Variants in INPP4B observed in about 807,000 individuals in gnomAD.
INPP4B encodes the protein inositol polyphosphate 4-phosphatase type II.
INPP4B carries 55 observed loss-of-function variants against 122.5 expected under a neutral mutation model. That is an observed-to-expected ratio of 0.45 (90% confidence interval 0.36 to 0.56). The LOEUF is 0.56. INPP4B is among the 20% of genes least tolerant of loss of function. INPP4B has a pLI of 0.00. For missense variants in INPP4B, 1,000 were observed against 1,097.7 expected, an observed-to-expected ratio of 0.91 and a Z score of 1.26; for synonymous variants, 403 against 388.7, an observed-to-expected ratio of 1.04 and a Z score of -0.43.
At chr4:142,405,183 A>G (rs769931245) in intron 6 of INPP4B, 23 bp downstream of exon 6, 51 of 1,144,146 alleles carry the variant, frequency 4.5e-5, no homozygotes, top group Non-Finnish European at 5.8e-5. Flanking sequence ...GAGAGAGATT[A>G]ATGTAGGCAC....
At chr4:142,763,654 A>C (rs991314548) in intron 1 of INPP4B, among the ~76,000 whole-genome samples, 1 of 152,138 alleles carries the variant, frequency 6.6e-6, no homozygotes, top group African/African-American at 2.4e-5. Context: ...AGAACAAATA[A>C]ATAATATCAT....
intron 25 of INPP4B, among the ~76,000 whole-genome samples, chr4:142,070,647 T>C (rs1023939965): frequency 1.3e-5 from 2 of 152,160 alleles, no homozygotes; most frequent in African/African-American, 4.8e-5. Flanking sequence ...AGTCTCAAGA[T>C]ACAAAATCAA....
intron 1 of INPP4B, among the ~76,000 whole-genome samples, chr4:142,792,087 T>TA (rs1190802585): frequency 6.6e-6 from 1 of 152,006 alleles, no homozygotes; most frequent in Non-Finnish European, 1.5e-5. Context: ...TATTTTCTTT[T>TA]AAAAAAATAA....
intron 2 of INPP4B, among the ~76,000 whole-genome samples, chr4:142,541,449 G>T (rs1828930000): frequency 6.6e-6 from 1 of 152,116 alleles, no homozygotes; most frequent in Non-Finnish European, 1.5e-5. Flanking sequence ...AAAGACAGGG[G>T]TTGGCCCCAA....
intron 12 of INPP4B, among the ~76,000 whole-genome samples, chr4:142,219,546 G>T (rs899443797): frequency 2.0e-5 from 3 of 152,142 alleles, no homozygotes; most frequent in Non-Finnish European, 4.4e-5. Context: ...TTGTGCAAAG[G>T]TTTCTCACAA....
At chr4:142,680,059 T>C (rs1197120772) in intron 2 of INPP4B, among the ~76,000 whole-genome samples, 1 of 151,862 alleles carries the variant, frequency 6.6e-6, no homozygotes, top group African/African-American at 2.4e-5. Context: ...TAGCTAGCCA[T>C]ACCCTTCATC....
intron 2 of INPP4B, among the ~76,000 whole-genome samples, chr4:142,493,225 T>C (rs1003449372): frequency 1.3e-5 from 2 of 152,024 alleles, no homozygotes; most frequent in Admixed American, 1.3e-4. Flanking sequence ...GCTGCAGGGG[T>C]GGAACCCTCA....
chr4:142,308,455 ACAAC>A (rs1470637476), intron 8 of INPP4B, among the ~76,000 whole-genome samples: 1 of 152,186 alleles, frequency 6.6e-6, no homozygotes, highest in African/African-American at 2.4e-5. Flanking sequence ...TTATGCTGCA[ACAAC>A]AAACAATGGG....
At chr4:142,563,550 A>G (rs1194461942) in intron 2 of INPP4B, among the ~76,000 whole-genome samples, 2 of 152,164 alleles carry the variant, frequency 1.3e-5, no homozygotes, top group East Asian at 3.9e-4. Context: ...GTAAATTACA[A>G]TCATCAATTC....
intron 2 of INPP4B, among the ~76,000 whole-genome samples, chr4:142,589,223 T>A (rs189552884): frequency 7.2e-4 from 110 of 152,210 alleles, no homozygotes; most frequent in South Asian, 7.0e-3. Flanking sequence ...CTATACTCGA[T>A]GTCCTTTTAT....
At chr4:142,739,706 C>A (rs1037344497) in intron 1 of INPP4B, among the ~76,000 whole-genome samples, 2 of 151,814 alleles carry the variant, frequency 1.3e-5, no homozygotes, top group African/African-American at 4.8e-5. Flanking sequence ...AGCATCAATG[C>A]AGGAGGCTCC....
chr4:142,670,569 A>C (rs1756851925), intron 2 of INPP4B, among the ~76,000 whole-genome samples: 1 of 152,140 alleles, frequency 6.6e-6, no homozygotes, highest in Non-Finnish European at 1.5e-5. Context: ...ATACTACATA[A>C]ATTTCAGTCA....
chr4:142,214,986 T>G (rs994262265), intron 12 of INPP4B, among the ~76,000 whole-genome samples: 1 of 152,256 alleles, frequency 6.6e-6, no homozygotes, highest in Non-Finnish European at 1.5e-5. Flanking sequence ...CAACCAGATA[T>G]GCCAGTTTAC....
intron 2 of INPP4B, among the ~76,000 whole-genome samples, chr4:142,576,149 A>G (rs1355691865): frequency 6.6e-6 from 1 of 152,006 alleles, no homozygotes; most frequent in Non-Finnish European, 1.5e-5. Context: ...TGAGCTTCTA[A>G]TATGCACCAA....
At chr4:142,502,490 T>G (rs191172491) in intron 2 of INPP4B, among the ~76,000 whole-genome samples, 1 of 152,226 alleles carries the variant, frequency 6.6e-6, no homozygotes, top group Non-Finnish European at 1.5e-5. Flanking sequence ...CTGCCTTTAT[T>G]ATTTATTTAT....
chr4:142,253,839 C>T (rs552757624), intron 11 of INPP4B, among the ~76,000 whole-genome samples: 3 of 152,170 alleles, frequency 2.0e-5, no homozygotes, highest in Non-Finnish European at 2.9e-5. Flanking sequence ...AGCTCGAACT[C>T]GGTGGAGCCC....
intron 1 of INPP4B, among the ~76,000 whole-genome samples, chr4:142,773,151 G>T (rs1308483009): frequency 6.6e-6 from 1 of 152,104 alleles, no homozygotes; most frequent in Non-Finnish European, 1.5e-5. Flanking sequence ...CTTAGAAACT[G>T]ATGCTGGAAA....
intron 3 of INPP4B, among the ~76,000 whole-genome samples, chr4:142,438,341 T>A: frequency 6.6e-6 from 1 of 152,288 alleles, no homozygotes; most frequent in East Asian, 1.9e-4. Context: ...ATGGTACTGT[T>A]ACCAAAACCA....
At chr4:142,803,984 G>A (rs1342158068) in intron 1 of INPP4B, among the ~76,000 whole-genome samples, 4 of 151,636 alleles carry the variant, frequency 2.6e-5, no homozygotes, top group Non-Finnish European at 4.4e-5. Flanking sequence ...GCTTGAACCC[G>A]GGAGGTGGAG....
Sources: gnomAD v4.1 joint callset for allele counts (sites outside exome capture counted in the v4.1 genomes callset) on GRCh38, gnomAD v4.1.1 for gene constraint, MANE v1.5 for transcripts, NCBI Gene and HGNC (gene_info 2026-07-23, HGNC 2026-07-21) for gene names.